Variants in TRPM7 observed in about 807,000 individuals in gnomAD.
TRPM7 encodes transient receptor potential cation channel subfamily M member 7.
A neutral mutation model predicts 229.7 loss-of-function variants in TRPM7; 134 were observed. The ratio of observed to expected loss-of-function variants is 0.58; its 90% confidence interval spans 0.51 to 0.67. The LOEUF is 0.67. Ranked by LOEUF, TRPM7 falls within the 30% of genes least tolerant of loss-of-function variation. TRPM7 has a pLI of 0.00. For synonymous variants in TRPM7, 699 were observed against 715.2 expected (o/e 0.98, Z 0.36); for missense variants, 1,901 against 2,210.0 (o/e 0.86, Z 2.80).
chr15:50,663,155 T>C (rs1266937699), intron 1 of TRPM7, 109 bp from the exon 2 acceptor site: 3 of 846,910 alleles, frequency 3.5e-6, no homozygotes, highest in Non-Finnish European at 5.5e-6. Context: ...TGAGACAGAG[T>C]TTTGCTCTTG....
intron 1 of TRPM7, among the ~76,000 whole-genome samples, chr15:50,684,293 C>T (rs530364000): frequency 1.3e-5 from 2 of 151,822 alleles, no homozygotes; most frequent in South Asian, 4.2e-4. Context: ...GCTAGGATTA[C>T]CACGCCCGAT....
chr15:50,587,526 T>C (rs539327005), intron 27 of TRPM7, among the ~76,000 whole-genome samples: 80 of 151,850 alleles, frequency 5.3e-4, no homozygotes, highest in African/African-American at 1.9e-3. Flanking sequence ...CTTGTTTTTA[T>C]CAAGGAGTAC....
intron 31 of TRPM7, among the ~76,000 whole-genome samples, chr15:50,576,585 G>A (rs1462911188): frequency 6.6e-6 from 1 of 152,126 alleles, no homozygotes; most frequent in African/African-American, 2.4e-5. Context: ...TTGAGAAGAC[G>A]TCAAAGCTAT....
chr15:50,628,064 G>T, intron 11 of TRPM7, 85 bp downstream of exon 11: 1 of 927,670 alleles, frequency 1.1e-6, no homozygotes, highest in Non-Finnish European at 1.7e-6. Flanking sequence ...AAGGTAAAAT[G>T]TCAAGTCAGG....
intron 17 of TRPM7, 123 bp downstream of exon 17, chr15:50,610,970 G>A (rs747349311): frequency 8.6e-5 from 62 of 716,950 alleles, no homozygotes; most frequent in Non-Finnish European, 1.2e-4. Context: ...CATCCATCTT[G>A]CTCCCTCTTT....
rs1352555264 is a variant in TRPM7, at chr15:50,628,072, A to G, written c.1305+77T>C. 5 of 997,672 alleles carry G rather than the reference A, an allele frequency of 5.0e-6. No individual in the cohort carries two copies. In the Admixed American group the frequency reaches 8.4e-5, roughly 17 times the overall value. The allele number at this position is 997,672 out of a possible 1,614,324, so 61.8% of individuals were successfully genotyped here. ...TGGCAGAAAGGTAAAATGTCAAGTC[A>G]GGTCACAGTTCCCGCAAATACTTTT... On this transcript the variant is annotated intron_variant, in intron 11 of 38. Coordinates refer to ENST00000646667, the MANE Select transcript of TRPM7 (RefSeq NM_017672.6).
Position 50,639,377 on chromosome 15 carries a change from G to A in TRPM7, c.660+47C>T, listed in dbSNP as rs532987252. The A allele has an allele frequency of 1.7e-5, 25 of 1,446,800 alleles. No individual in the cohort carries two copies. The African/African-American group carries it at 2.4e-4, about 14-fold the overall frequency. The allele number at this position is 1,446,800 out of a possible 1,614,324, so 89.6% of individuals were successfully genotyped here. A position where few individuals can be genotyped will look rare whatever the true frequency, so the allele number is the denominator to read the frequency against. On this transcript the variant is annotated intron_variant, in intron 6 of 38. Transcript: ENST00000646667. ...CTGGCACTATTCTTACTATAATTTT[G>A]TTTACATATAATTTCAAACATAAGA...
chr15:50,684,100 C>T (rs1432055163), intron 1 of TRPM7, among the ~76,000 whole-genome samples: 1 of 151,754 alleles, frequency 6.6e-6, no homozygotes, highest in South Asian at 2.1e-4. Flanking sequence ...GATCCGGGAT[C>T]AGCCTGTCGC....
chr15:50,608,519 C>T (rs1341087791), intron 19 of TRPM7, among the ~76,000 whole-genome samples: 4 of 152,180 alleles, frequency 2.6e-5, no homozygotes, highest in Admixed American at 1.3e-4. Flanking sequence ...CGCAGCCATT[C>T]ACATGAATGC....
intron 22 of TRPM7, among the ~76,000 whole-genome samples, chr15:50,597,289 A>G (rs1455489891): frequency 3.9e-5 from 6 of 152,210 alleles, no homozygotes; most frequent in Non-Finnish European, 8.8e-5. Context: ...AATAAAGTAA[A>G]TTAGGCAGGG....
At chr15:50,652,081 C>T (rs544690786) in intron 3 of TRPM7, among the ~76,000 whole-genome samples, 20 of 151,358 alleles carry the variant, frequency 1.3e-4, no homozygotes, top group African/African-American at 4.8e-4. Context: ...GCCTGTAATC[C>T]CAGCACTTCA....
chr15:50,619,175 T>C (rs1003486655), intron 13 of TRPM7, among the ~76,000 whole-genome samples: 1 of 152,072 alleles, frequency 6.6e-6, no homozygotes, highest in African/African-American at 2.4e-5. Context: ...ATGAGCTTTA[T>C]ACATCATATT....
intron 20 of TRPM7, among the ~76,000 whole-genome samples, chr15:50,606,650 C>T (rs8036175): frequency 0.014 from 2,118 of 152,108 alleles, 47 homozygotes; most frequent in African/African-American, 0.049. Flanking sequence ...AGGTGGCCGC[C>T]ACCATGCCTA....
chr15:50,568,105 C>G (rs890404925), intron 38 of TRPM7, among the ~76,000 whole-genome samples: 1 of 86,442 alleles, frequency 1.2e-5, no homozygotes, highest in Non-Finnish European at 2.3e-5. Context: ...GAGCGAGACT[C>G]TGTCTCAAAA....
intron 29 of TRPM7, among the ~76,000 whole-genome samples, chr15:50,582,677 G>C (rs1335813913): frequency 6.6e-6 from 1 of 152,116 alleles, no homozygotes; most frequent in Non-Finnish European, 1.5e-5. Flanking sequence ...TTGAATGTAA[G>C]TCAATATTTT....
At chr15:50,642,619 G>A (rs71471503) in intron 5 of TRPM7, among the ~76,000 whole-genome samples, 7,044 of 152,232 alleles carry the variant, frequency 0.046, 217 homozygotes, top group Non-Finnish European at 0.073. Context: ...AAGGTGCCTT[G>A]CTTCCCCTTC....
rs368225631 is a variant in TRPM7, at chr15:50,648,787, G to A, written c.221C>T (p.Ala74Val). 49 of 1,613,248 alleles carry A rather than the reference G, an allele frequency of 3.0e-5. No individual in the cohort carries two copies. In the African/African-American group the frequency reaches 4.7e-4, roughly 15 times the overall value. Residue 74 changes from alanine to valine, a missense_variant, in exon 4 of 39, where the codon GCA becomes GTA. Physicochemically the swap from Ala to Val is moderately conservative, Grantham distance 64 (BLOSUM62 0). Transcript: ENST00000646667. ...DVKLGDHFNQ[A>V]IEEWSVEKHT... ...CTTTTCCACAGACCATTCTTCTATT[G>A]CCTGATTAAAATGGTCACCCAATTT...
chr15:50,639,733 A>ATTTTTT lies in TRPM7; in HGVS notation c.536-191_536-186dup, dbSNP rs553888440. Among the ~76,000 whole-genome samples the ATTTTTT allele has an allele frequency of 1.4e-5, 2 of 140,180 alleles. 1 individual carries two copies. Among genetic ancestry groups the ATTTTTT allele is most frequent in the Non-Finnish European group, 3.1e-5 (2 of 64,342 alleles). 92.0% of individuals were successfully genotyped at this position (140,180 alleles called of 152,430 possible). On this transcript the variant is annotated intron_variant, in intron 5 of 38. Transcript: ENST00000646667. Reference sequence around the variant, plus strand: ...AGGTGCGTGCTAAGACAGCCGGCTAATTTTTTTTTTTTTTTTTTCAGTAGA... The same window carrying ATTTTTT: ...AGGTGCGTGCTAAGACAGCCGGCTAATTTTTTTTTTTTTTTTTTTTTTTTCAGTAGA...
intron 9 of TRPM7, 139 bp downstream of exon 9, chr15:50,632,730 G>A: frequency 1.3e-6 from 1 of 799,118 alleles, no homozygotes; most frequent in Non-Finnish European, 1.8e-6. Context: ...ACCAATAAAT[G>A]ACATATTTTT....
Sources: allele counts gnomAD v4.1 joint callset (sites outside exome capture counted in the v4.1 genomes callset), GRCh38; gene constraint gnomAD v4.1.1; transcripts MANE v1.5; gene names NCBI Gene and HGNC (gene_info 2026-07-23, HGNC 2026-07-21).